GNAI1: variants seen among roughly 807,000 people sequenced by gnomAD.
GNAI1 encodes the protein G protein subunit alpha i1.
Under a neutral mutation model 38.9 loss-of-function variants are expected in GNAI1, and 11 were observed. The observed-to-expected ratio is 0.28, with a 90% CI of 0.18 to 0.47. The LOEUF (loss-of-function observed/expected upper bound fraction) is 0.47. Ranked by LOEUF, GNAI1 falls within the 20% of genes least tolerant of loss-of-function variation. GNAI1 has a pLI of 0.99. For synonymous variants in GNAI1, 166 were observed against 145.1 expected, an observed-to-expected ratio of 1.14 and a Z score of -1.04; for missense variants, 317 against 436.9, an observed-to-expected ratio of 0.73 and a Z score of 2.45.
intron 1 of GNAI1, among the ~76,000 whole-genome samples, chr7:80,185,723 C>T (rs1292576121): frequency 1.3e-5 from 2 of 152,148 alleles, no homozygotes; most frequent in Admixed American, 1.3e-4. Flanking sequence ...GTTACACTCC[C>T]AGCCTCCCAG....
intron 1 of GNAI1, among the ~76,000 whole-genome samples, chr7:80,154,909 A>G (rs949544042): frequency 2.0e-5 from 3 of 152,190 alleles, no homozygotes; most frequent in African/African-American, 7.2e-5. Flanking sequence ...CCTAGGTTAT[A>G]GATAAAATAT....
rs1006747619 is a variant in GNAI1, at chr7:80,225,435, G to GT, written c.*7950dup. 2.6e-5 allele frequency among the ~76,000 whole-genome samples: 4 copies of GT among 151,816 alleles called. No individual in the cohort carries two copies. The highest frequency in any genetic ancestry group is 9.7e-5 in the African/African-American group (4 of 41,242). Reference sequence around the variant, plus strand: ...GCAGCCAAATCAAAAGATTAGTGGGGTTTTTTTTAATGTTGTTATTGTGTT... The same window carrying GT: ...GCAGCCAAATCAAAAGATTAGTGGGGTTTTTTTTTAATGTTGTTATTGTGTT... On this transcript the variant is annotated 3_prime_UTR_variant, in exon 8 of 8. Coordinates refer to ENST00000649796, the MANE Select transcript of GNAI1 (RefSeq NM_002069.6).
chr7:80,149,921 T>G (rs10486928), intron 1 of GNAI1, among the ~76,000 whole-genome samples: 1 of 152,122 alleles, frequency 6.6e-6, no homozygotes, highest in Non-Finnish European at 1.5e-5. Flanking sequence ...ATAGACAAGA[T>G]TGATTAATTC....
At chr7:80,211,174 T>C in intron 6 of GNAI1, 76 bp downstream of exon 6, 1 of 1,287,774 alleles carries the variant, frequency 7.8e-7, no homozygotes, top group Non-Finnish European at 1.1e-6. Flanking sequence ...CTTTCTAATG[T>C]CTATAACAAT....
At chr7:80,151,201 A>G (rs1191425893) in intron 1 of GNAI1, among the ~76,000 whole-genome samples, 1 of 152,158 alleles carries the variant, frequency 6.6e-6, no homozygotes, top group African/African-American at 2.4e-5. Flanking sequence ...ACCTGTTTCC[A>G]GTCCTGCCCA....
intron 5 of GNAI1, among the ~76,000 whole-genome samples, chr7:80,210,135 A>C (rs1025765736): frequency 3.3e-5 from 5 of 152,166 alleles, no homozygotes; most frequent in Non-Finnish European, 7.4e-5. Context: ...TCATTATATA[A>C]GTGGTTATTT....
intron 1 of GNAI1, among the ~76,000 whole-genome samples, chr7:80,177,673 C>A (rs1276518081): frequency 6.6e-6 from 1 of 152,046 alleles, no homozygotes; most frequent in East Asian, 1.9e-4. Flanking sequence ...AGTTGGGGGT[C>A]TTGTAATGTT....
chr7:80,153,226 C>A (rs1787759130), intron 1 of GNAI1, among the ~76,000 whole-genome samples: 1 of 152,074 alleles, frequency 6.6e-6, no homozygotes, highest in Admixed American at 6.5e-5. Context: ...CATAGATAGT[C>A]TTCAAGAAGG....
Position 80,134,977 on chromosome 7 carries a change from C to T in GNAI1, c.-184C>T, listed in dbSNP as rs1787381192. On this transcript the variant is annotated 5_prime_UTR_variant, in exon 1 of 8. Transcript: ENST00000649796. ...AGAGCCTGGTCGTGAGGAACAGCCG[C>T]CCGTTGCTGTCTGCCCCTTTGCGGA... 2 of 406,858 alleles carry T rather than the reference C, an allele frequency of 4.9e-6. No individual in the cohort carries two copies. The highest frequency in any genetic ancestry group is 4.4e-5 in the Admixed American group (1 of 22,764). The allele number at this position is 406,858 out of a possible 1,614,324, so 25.2% of individuals were successfully genotyped here.
intron 1 of GNAI1, among the ~76,000 whole-genome samples, chr7:80,185,964 A>G (rs1788379188): frequency 6.6e-6 from 1 of 150,960 alleles, no homozygotes; most frequent in African/African-American, 2.4e-5. Flanking sequence ...TTCCACAAAG[A>G]GTATTTTGTG....
At chr7:80,183,973 G>A (rs550857959) in intron 1 of GNAI1, among the ~76,000 whole-genome samples, 1 of 152,086 alleles carries the variant, frequency 6.6e-6, no homozygotes, top group African/African-American at 2.4e-5. Context: ...GTGTTAATGT[G>A]ATGGTGCTCC....
chr7:80,216,475 G>A (rs547524821), intron 7 of GNAI1, among the ~76,000 whole-genome samples: 1 of 152,134 alleles, frequency 6.6e-6, no homozygotes, highest in African/African-American at 2.4e-5. Flanking sequence ...TGAGGTTTTT[G>A]TCCTCACCAG....
chr7:80,186,526 G>T (rs570649366), intron 1 of GNAI1, among the ~76,000 whole-genome samples: 1 of 152,034 alleles, frequency 6.6e-6, no homozygotes, highest in Admixed American at 6.6e-5. Flanking sequence ...ATTCTCATTT[G>T]TACATACATA....
chr7:80,186,023 CTTTTTTTTTTTT>C (rs533371119), intron 1 of GNAI1, among the ~76,000 whole-genome samples: 9 of 103,494 alleles, frequency 8.7e-5, no homozygotes, highest in Admixed American at 1.1e-4. Flanking sequence ...CATCCGCACT[CTTTTTTTTTTTT>C]TTTTTTTTTT....
At chr7:80,202,335 A>G (rs921884061) in intron 4 of GNAI1, among the ~76,000 whole-genome samples, 4 of 152,090 alleles carry the variant, frequency 2.6e-5, no homozygotes, top group East Asian at 1.9e-4. Flanking sequence ...TGATCCGCCC[A>G]CCTCGGCCTC....
At chr7:80,211,333 A>G (rs1037797483) in intron 6 of GNAI1, among the ~76,000 whole-genome samples, 2 of 152,226 alleles carry the variant, frequency 1.3e-5, no homozygotes, top group Non-Finnish European at 2.9e-5. Flanking sequence ...TCTGTATCTA[A>G]TATCAACATA....
intron 5 of GNAI1, among the ~76,000 whole-genome samples, chr7:80,206,670 A>T (rs1460230566): frequency 2.0e-5 from 3 of 151,976 alleles, no homozygotes; most frequent in Non-Finnish European, 2.9e-5. Context: ...AACTTAAATT[A>T]TGTTCAGGTA....
intron 1 of GNAI1, among the ~76,000 whole-genome samples, chr7:80,169,129 G>A (rs907767739): frequency 1.3e-5 from 2 of 152,068 alleles, no homozygotes; most frequent in Non-Finnish European, 2.9e-5. Context: ...AATGTTCTTA[G>A]ATTTAAAATA....
At chr7:80,157,259 G>A (rs184209996) in intron 1 of GNAI1, among the ~76,000 whole-genome samples, 1 of 152,118 alleles carries the variant, frequency 6.6e-6, no homozygotes, top group African/African-American at 2.4e-5. Flanking sequence ...ATGCACTTAA[G>A]TTTCCTCTAT....
Sources: gnomAD v4.1 joint callset for allele counts (sites outside exome capture counted in the v4.1 genomes callset) on GRCh38, gnomAD v4.1.1 for gene constraint, MANE v1.5 for transcripts, NCBI Gene and HGNC (gene_info 2026-07-23, HGNC 2026-07-21) for gene names.